Variants in FAM83F observed in about 807,000 individuals in gnomAD.
FAM83F encodes the protein protein FAM83F.
Under a neutral mutation model 42.9 loss-of-function variants are expected in FAM83F, and 45 were observed. The observed-to-expected ratio is 1.05, with a 90% CI of 0.83 to 1.35. FAM83F has a LOEUF of 1.35. Ranked by LOEUF, FAM83F falls within the 40% of genes most tolerant of loss-of-function variation. The pLI is 0.00. For synonymous variants in FAM83F, 306 were observed against 298.3 expected, an observed-to-expected ratio of 1.03 and a Z score of -0.27; for missense variants, 617 against 695.9, an observed-to-expected ratio of 0.89 and a Z score of 1.28.
rs546390684 is a variant in FAM83F, at chr22:40,020,855, A to G, written c.780-435A>G. On this transcript the variant is annotated intron_variant, in intron 3 of 4. Transcript: ENST00000333407. ...TAAGTGCTTAAAAAAATCAGAAAAGAACCAATACAGAGTAGAATAATATTC... is the reference window on the plus strand; with the variant it reads ...TAAGTGCTTAAAAAAATCAGAAAAGGACCAATACAGAGTAGAATAATATTC... Among the ~76,000 whole-genome samples, 124 of 152,288 alleles carry G rather than the reference A, an allele frequency of 8.1e-4. 4 individuals carry two copies. The South Asian group carries it at 0.025, about 31-fold the overall frequency.
chr22:40,007,287 C>T (rs2067435260), intron 1 of FAM83F, among the ~76,000 whole-genome samples: 1 of 44,930 alleles, frequency 2.2e-5, no homozygotes, highest in African/African-American at 8.2e-5. Flanking sequence ...TCCTTTCCTC[C>T]TCTCCTCCTC....
In FAM83F at chr22:40,034,693, C is replaced by A. The variant is rs950836282; in HGVS notation, c.*5128C>A. 1 of 152,218 alleles carries A rather than the reference C, an allele frequency of 6.6e-6. No individual in the cohort carries two copies. The highest frequency in any genetic ancestry group is 2.4e-5 in the African/African-American group (1 of 41,448). The allele number at this position is 152,218 out of a possible 1,614,324, so 9.4% of individuals were successfully genotyped here. On this transcript the variant is annotated 3_prime_UTR_variant, in exon 5 of 5. Coordinates refer to ENST00000333407, the MANE Select transcript of FAM83F (RefSeq NM_138435.4). ...ATTTGTTAAATGATTGAAGACTTGA[C>A]TGCCATTCAGTACAGAGAATTAGCC... is the stretch of plus-strand genomic sequence containing the variant.
At chr22:40,001,609 T>C (rs1183704832) in intron 1 of FAM83F, among the ~76,000 whole-genome samples, 1 of 151,990 alleles carries the variant, frequency 6.6e-6, no homozygotes, top group Non-Finnish European at 1.5e-5. Flanking sequence ...ATTTCGCCAC[T>C]GCACTCCAGC....
intron 1 of FAM83F, among the ~76,000 whole-genome samples, chr22:40,012,605 A>G (rs2067471555): frequency 6.6e-6 from 1 of 151,352 alleles, no homozygotes; most frequent in Non-Finnish European, 1.5e-5. Flanking sequence ...CCCTGTCTCT[A>G]CTAAAAATAC....
chr22:40,022,344 G>A (rs998089933), intron 4 of FAM83F, among the ~76,000 whole-genome samples: 19 of 152,184 alleles, frequency 1.2e-4, no homozygotes, highest in African/African-American at 2.7e-4. Context: ...GTGAAGAAAC[G>A]GGGGCTCTGC....
At chr22:40,027,447 G>A (rs115220587) in intron 4 of FAM83F, among the ~76,000 whole-genome samples, 1,651 of 152,168 alleles carry the variant, frequency 0.011, 26 homozygotes, top group African/African-American at 0.037. Context: ...TCCGCTGAGC[G>A]GCCCCTCCTC....
At position 40,035,208 on chromosome 22, in the gene FAM83F, C is replaced by T. The variant is rs1330080973; in HGVS notation, c.*5643C>T. On this transcript the variant is annotated 3_prime_UTR_variant, in exon 5 of 5. Coordinates refer to ENST00000333407, the MANE Select transcript of FAM83F (RefSeq NM_138435.4). ...ATTGCCTGCAGCCACTGAAAAGCAG[C>T]TTTAGGAGCAGATGTCCACGTAATA... 6.6e-6 allele frequency: 1 copy of T among 152,184 alleles called. No homozygotes were observed. The highest frequency in any genetic ancestry group is 1.5e-5 in the Non-Finnish European group (1 of 68,038). The allele number at this position is 152,184 out of a possible 1,614,324, so 9.4% of individuals were successfully genotyped here. A position where few individuals can be genotyped will look rare whatever the true frequency, so the allele number is the denominator to read the frequency against.
intron 1 of FAM83F, among the ~76,000 whole-genome samples, chr22:40,010,516 G>A (rs1601766227): frequency 6.6e-6 from 1 of 152,198 alleles, no homozygotes; most frequent in African/African-American, 2.4e-5. Context: ...GGGCGTCACA[G>A]TCCGACTCGC....
chr22:40,005,968 G>A (rs934454708), intron 1 of FAM83F, among the ~76,000 whole-genome samples: 14 of 152,200 alleles, frequency 9.2e-5, no homozygotes, highest in African/African-American at 2.2e-4. Flanking sequence ...AGCCGGGCGC[G>A]GTGGCTCACG....
chr22:40,006,421 TCATGTGC>T (rs2067429305), intron 1 of FAM83F, among the ~76,000 whole-genome samples: 1 of 152,112 alleles, frequency 6.6e-6, no homozygotes, highest in Non-Finnish European at 1.5e-5. Flanking sequence ...GGAGACACCC[TCATGTGC>T]CTAGACAGAC....
chr22:39,996,332 C>T (rs1450185245), intron 1 of FAM83F, among the ~76,000 whole-genome samples: 1 of 152,122 alleles, frequency 6.6e-6, no homozygotes, highest in Non-Finnish European at 1.5e-5. Flanking sequence ...GGGCAGCTTC[C>T]AGATCAAATG....
At position 40,014,365 on chromosome 22, in the gene FAM83F, C is replaced by T. The variant is rs545211585; in HGVS notation, c.490-4803C>T. ...GAATTATAATCACAAGTAGGGATCTCGCTTTATTAAATACTTTGTAAAATT... is the reference window on the plus strand; with the variant it reads ...GAATTATAATCACAAGTAGGGATCTTGCTTTATTAAATACTTTGTAAAATT... On this transcript the variant is annotated intron_variant, in intron 1 of 4. Coordinates refer to ENST00000333407, the MANE Select transcript of FAM83F (RefSeq NM_138435.4). Among the ~76,000 whole-genome samples the T allele has an allele frequency of 1.2e-4, 18 of 152,028 alleles. No homozygotes were observed. In the East Asian group the frequency reaches 1.9e-3, roughly 16 times the overall value.
chr22:40,010,319 A>T (rs1172894203), intron 1 of FAM83F, among the ~76,000 whole-genome samples: 1 of 152,152 alleles, frequency 6.6e-6, no homozygotes, highest in Non-Finnish European at 1.5e-5. Context: ...GAGACTGGGG[A>T]GCTGGTTCCC....
rs765478656 is a variant in FAM83F, at chr22:40,021,843, C to G, written c.1333C>G (p.Arg445Gly). 6.2e-7 allele frequency: 1 copy of G among 1,612,360 alleles called. No individual in the cohort carries two copies. Among genetic ancestry groups the G allele is most frequent in the Non-Finnish European group, 8.5e-7 (1 of 1,179,644 alleles). The change falls in exon 4 of 5, where the codon CGC (arginine) becomes GGC (glycine). Residue 445 changes from arginine to glycine, a missense_variant. Coordinates refer to ENST00000333407, the MANE Select transcript of FAM83F (RefSeq NM_138435.4). The surrounding 1 kb of genome is among the most constrained non-coding windows in gnomAD (Gnocchi z 8.7). ...ARRFSSRLFS[R>G]RAKRPAAPNG... ...GCGCTTCAGCAGCAGGCTCTTCAGT[C>G]GCCGAGCCAAGAGGCCTGCGGCGCC...
At position 39,995,373 on chromosome 22, in the gene FAM83F, C is replaced by G. The variant is rs1213611727; in HGVS notation, c.331C>G (p.Arg111Gly). Residue 111 changes from arginine to glycine, a missense_variant, in exon 1 of 5, where the codon CGT (arginine) becomes GGT (glycine). By Grantham distance (125) the Arg-to-Gly change is moderately radical. Transcript: ENST00000333407. This position sits in a 1 kb window ranked among gnomAD's most constrained non-coding sequence, Gnocchi z 4.6. The part of the protein sequence containing the change: ...SGESLAYWPD[R>G]SDTEVPPLDL... Reference sequence around the variant, plus strand: ...CGAGTCCCTGGCCTACTGGCCCGACCGTTCCGACACCGAGGTGCCTCCTCT... The same window carrying G: ...CGAGTCCCTGGCCTACTGGCCCGACGGTTCCGACACCGAGGTGCCTCCTCT... 2 of 1,545,502 alleles carry G rather than the reference C, an allele frequency of 1.3e-6. No individual in the cohort carries two copies. The highest frequency in any genetic ancestry group is 2.7e-5 in the African/African-American group (2 of 73,028).
In FAM83F at chr22:40,021,688, T is replaced by C; in HGVS notation, c.1178T>C (p.Leu393Ser). 2 of 1,612,912 alleles carry C rather than the reference T, an allele frequency of 1.2e-6. No individual in the cohort carries two copies. The highest frequency in any genetic ancestry group is 1.7e-6 in the Non-Finnish European group (2 of 1,179,726). ...CTGCCCCCCGTGGAGCCCATCCCCT[T>C]GGGAGAGCTGAGCCAGAAGGATGGC... ...QVLPPVEPIP[L>S]GELSQKDGRM... Residue 393 changes from leucine (L) to serine (S), a missense_variant, in exon 4 of 5, where the codon TTG becomes TCG. By Grantham distance (145) the Leu-to-Ser change is moderately radical. Transcript: ENST00000333407. This position sits in a 1 kb window ranked among gnomAD's most constrained non-coding sequence, Gnocchi z 8.7.
At chr22:40,006,398 C>T (rs1051641210) in intron 1 of FAM83F, among the ~76,000 whole-genome samples, 20 of 152,220 alleles carry the variant, frequency 1.3e-4, no homozygotes, top group African/African-American at 4.6e-4. Flanking sequence ...CCCCACCCCT[C>T]CTGGATAGAT....
chr22:40,016,185 C>T (rs1408065905), intron 1 of FAM83F, among the ~76,000 whole-genome samples: 2 of 80,778 alleles, frequency 2.5e-5, no homozygotes, highest in African/African-American at 4.9e-5. Context: ...ATTGACTATA[C>T]GTTGTTGTTG....
rs2067646286 is a variant in FAM83F, at chr22:40,040,446, T to C, written c.*10881T>C. 1 of 152,088 alleles carries C rather than the reference T, an allele frequency of 6.6e-6. No homozygotes were observed. The highest frequency in any genetic ancestry group is 1.5e-5 in the Non-Finnish European group (1 of 68,020). 9.4% of individuals were successfully genotyped at this position (152,088 alleles called of 1,614,324 possible). A position where few individuals can be genotyped will look rare whatever the true frequency, so the allele number is the denominator to read the frequency against. On this transcript the variant is annotated 3_prime_UTR_variant, in exon 5 of 5. Transcript: ENST00000333407. Reference sequence around the variant, plus strand: ...CACACAGCAAGTGTCCACCAAAGGGTAGTTATTATTAACCATAATCCTGGT... The same window carrying C: ...CACACAGCAAGTGTCCACCAAAGGGCAGTTATTATTAACCATAATCCTGGT...
Sources: allele counts gnomAD v4.1 joint callset (sites outside exome capture counted in the v4.1 genomes callset), GRCh38; gene constraint gnomAD v4.1.1; non-coding constraint Gnocchi (gnomAD v3.1); transcripts MANE v1.5; gene names NCBI Gene and HGNC (gene_info 2026-07-23, HGNC 2026-07-21).